The following HEXD variants were observed in gnomAD, a reference collection of about 807,000 sequenced individuals.
HEXD encodes hexosaminidase D, also known as N-acetyl-beta-galactosaminidase.
In HEXD, 47 loss-of-function variants were observed where a neutral mutation model predicts 54.2. The observed-to-expected ratio is 0.87, with a 90% CI of 0.69 to 1.11. HEXD has a LOEUF of 1.11. HEXD is among the 50% of genes least tolerant of loss of function. HEXD has a pLI of 0.00. For missense variants in HEXD, 576 were observed against 649.2 expected, an observed-to-expected ratio of 0.89 and a Z score of 1.23; for synonymous variants, 293 against 287.6, an observed-to-expected ratio of 1.02 and a Z score of -0.19.
intron 2 of HEXD, among the ~76,000 whole-genome samples, chr17:82,422,322 C>A (rs185846340): frequency 6.6e-6 from 1 of 152,002 alleles, no homozygotes; most frequent in Admixed American, 6.6e-5. Flanking sequence ...TGTGAAAGAA[C>A]AGCATAAATC....
chr17:82,433,144 T>TTTA (rs2053659249), intron 4 of HEXD, among the ~76,000 whole-genome samples: 1 of 69,874 alleles, frequency 1.4e-5, no homozygotes, highest in Admixed American at 1.8e-4. Context: ...TTTTTTTTTT[T>TTTA]ATATATATAT....
intron 4 of HEXD, among the ~76,000 whole-genome samples, chr17:82,433,267 C>T (rs1372567241): frequency 2.0e-5 from 3 of 149,730 alleles, no homozygotes; most frequent in Admixed American, 6.7e-5. Context: ...CATAGTGAAA[C>T]GCCATCTCTA....
In HEXD at chr17:82,442,125, A is replaced by T. The variant is rs995912443; in HGVS notation, c.1254-52A>T. 9 of 1,563,166 alleles carry T rather than the reference A, an allele frequency of 5.8e-6. No homozygotes were observed. The highest frequency in any genetic ancestry group is 7.8e-6 in the Non-Finnish European group (9 of 1,155,644). ...CAGGGCAGTACTGACCATGGGGCTG[A>T]GGGCAAGTCCCAAGTGTGCAGACTG... is the stretch of plus-strand genomic sequence containing the variant. On this transcript the variant is annotated intron_variant, in intron 12 of 12. Transcript: ENST00000327949. The surrounding 1 kb of genome is among the most constrained non-coding windows in gnomAD (Gnocchi z 6.8).
Position 82,435,609 on chromosome 17 carries a change from C to T in HEXD, c.448-80C>T. On this transcript the variant is annotated intron_variant, in intron 5 of 12. Transcript: ENST00000327949. ...CCCACAGGCAGCGGCCCCTCTCCGT[C>T]AGGGCACGGCGTGAACCCCGGACCC... 11 of 1,436,988 alleles carry T rather than the reference C, an allele frequency of 7.7e-6. No homozygotes were observed. In the South Asian group the frequency reaches 1.4e-4, roughly 19 times the overall value. The allele number at this position is 1,436,988 out of a possible 1,614,324, so 89.0% of individuals were successfully genotyped here. A position where few individuals can be genotyped will look rare whatever the true frequency, so the allele number is the denominator to read the frequency against.
chr17:82,436,256 G>A (rs548096246), intron 6 of HEXD, among the ~76,000 whole-genome samples: 4 of 152,372 alleles, frequency 2.6e-5, no homozygotes, highest in East Asian at 1.9e-4. Flanking sequence ...GGGCCAAGAG[G>A]TGGTACTCAG....
chr17:82,427,071 G>C (rs2053437286), intron 3 of HEXD: 1 of 151,626 alleles, frequency 6.6e-6, no homozygotes, highest in Non-Finnish European at 1.5e-5. Context: ...AGGAGGCAGA[G>C]CTTGCAGTGA....
At position 82,437,351 on chromosome 17, in the gene HEXD, C is replaced by T; in HGVS notation, c.887C>T (p.Thr296Ile). 6.2e-7 allele frequency: 1 copy of T among 1,600,606 alleles called. No individual in the cohort carries two copies. Among genetic ancestry groups the T allele is most frequent in the Non-Finnish European group, 8.5e-7 (1 of 1,173,386 alleles). Residue 296 changes from threonine (T) to isoleucine (I), a missense_variant, in exon 8 of 13, where the codon ACC (threonine) becomes ATC (isoleucine). Transcript: ENST00000327949. The part of the protein sequence containing the change: ...PTDSLQGIIL[T>I]GWQRYDHYSV... ...GACTCACTGCAGGGCATCATCCTGACCGGCTGGCAGAGGTAAGTCCTGGCC... is the reference window on the plus strand; with the variant it reads ...GACTCACTGCAGGGCATCATCCTGATCGGCTGGCAGAGGTAAGTCCTGGCC...
In HEXD at chr17:82,418,584, A is replaced by G. The variant is rs2143332637; in HGVS notation, c.-208A>G. ...GAGGCAGGCACGGCGCAGGGACGCG[A>G]GTGCGACGCGCTCGGCCATCGGCCC... On this transcript the variant is annotated 5_prime_UTR_variant, in exon 1 of 13. Coordinates refer to ENST00000327949, the MANE Select transcript of HEXD (RefSeq NM_001330542.2). 1.9e-6 allele frequency: 1 copy of G among 540,402 alleles called. No individual in the cohort carries two copies. The allele number at this position is 540,402 out of a possible 1,614,324, so 33.5% of individuals were successfully genotyped here.
In HEXD at chr17:82,418,716, A is replaced by T. The variant is rs1030263229; in HGVS notation, c.-76A>T. 3 of 155,096 alleles carry T rather than the reference A, an allele frequency of 1.9e-5. No homozygotes were observed. The highest frequency in any genetic ancestry group is 7.3e-5 in the African/African-American group (3 of 41,298). 9.6% of individuals were successfully genotyped at this position (155,096 alleles called of 1,614,324 possible). On this transcript the variant is annotated 5_prime_UTR_variant, in exon 1 of 13. Transcript: ENST00000327949. ...CGGCCGGGCCTGGCTGCGCCCCCGGACCTCGCGGGACCGCGGCGGCGCAGG... is the reference window on the plus strand; with the variant it reads ...CGGCCGGGCCTGGCTGCGCCCCCGGTCCTCGCGGGACCGCGGCGGCGCAGG...
rs1487119854 is a variant in HEXD, at chr17:82,437,214, G to A, written c.750G>A (p.Trp250Ter). Reference protein sequence around the residue: ...KYRRCGFPQLWAASAFKGATG... With the variant: ...KYRRCGFPQL Reference sequence around the variant, plus strand: ...GGCGGTGCGGCTTTCCGCAGCTGTGGGCAGCCAGTGCCTTCAAGGGTGCCA... The same window carrying A: ...GGCGGTGCGGCTTTCCGCAGCTGTGAGCAGCCAGTGCCTTCAAGGGTGCCA... Residue 250 changes from tryptophan (W) to a stop codon, truncating the protein, a stop_gained, in exon 8 of 13, where the codon TGG (tryptophan) becomes TGA (stop). Coordinates refer to ENST00000327949, the MANE Select transcript of HEXD (RefSeq NM_001330542.2). LOFTEE classifies it high-confidence loss of function. The A allele has an allele frequency of 1.2e-6, 2 of 1,605,898 alleles. No individual in the cohort carries two copies. The highest frequency in any genetic ancestry group is 2.2e-5 in the East Asian group (1 of 44,622).
intron 4 of HEXD, among the ~76,000 whole-genome samples, chr17:82,432,890 C>T (rs12948551): frequency 0.28 from 41,429 of 147,132 alleles, 6,395 homozygotes; most frequent in East Asian, 0.53. Flanking sequence ...GGTGAAACCC[C>T]GTCTCTACTA....
chr17:82,439,755 C>T lies in HEXD; in HGVS notation c.982+42C>T, dbSNP rs188037176. 4.4e-6 allele frequency: 7 copies of T among 1,598,534 alleles called. No individual in the cohort carries two copies. The African/African-American group carries it at 9.3e-5, about 21-fold the overall frequency. ...CACCCCAAGCCCCACCGGCCCCTCC[C>T]CGAAAGACCCGGAGGGCAGGAGGCC... On this transcript the variant is annotated intron_variant, in intron 9 of 12. Coordinates refer to ENST00000327949, the MANE Select transcript of HEXD (RefSeq NM_001330542.2).
At position 82,428,645 on chromosome 17, in the gene HEXD, G is replaced by A. The variant is rs1295343461; in HGVS notation, c.282G>A (p.Glu94=). The A allele has an allele frequency of 6.2e-7, 1 of 1,612,556 alleles. No homozygotes were observed. The highest frequency in any genetic ancestry group is 1.3e-5 in the African/African-American group (1 of 74,906). The change falls in exon 4 of 13, where the codon GAG becomes GAA. Residue 94 remains glutamate (E), a splice_region_variant and synonymous_variant. Transcript: ENST00000327949. ...IPLVQTFGHM[E]FVLKHTAFAH... ...TGGTGCAGACATTTGGACACATGGA[G>A]GTGAGTGGCAGAAATGGAAGTTACC...
At position 82,441,339 on chromosome 17, in the gene HEXD, T is replaced by C. The variant is rs1349271383; in HGVS notation, c.1163+73T>C. On this transcript the variant is annotated intron_variant, in intron 11 of 12. Transcript: ENST00000327949. ...GGGCGGGTGCAGGTGAGGGGGCAGG[T>C]GTGGGTGGGAGGCAGGTGCGGGTGA... 7 of 994,152 alleles carry C rather than the reference T, an allele frequency of 7.0e-6. No homozygotes were observed. The African/African-American group carries it at 8.1e-5, about 11-fold the overall frequency. 61.6% of individuals were successfully genotyped at this position (994,152 alleles called of 1,614,324 possible).
At chr17:82,424,313 G>A (rs936642106) in intron 2 of HEXD, 81 bp from the exon 3 acceptor site, 5 of 861,574 alleles carry the variant, frequency 5.8e-6, no homozygotes, top group African/African-American at 1.7e-5. Context: ...GGCTGAAAGG[G>A]AAGGCGTCTC....
chr17:82,437,416 C>G, intron 8 of HEXD, 53 bp downstream of exon 8: 1 of 1,450,280 alleles, frequency 6.9e-7, no homozygotes, highest in Non-Finnish European at 9.2e-7. Flanking sequence ...CTGGTGGCCA[C>G]CACGTCGGCC....
chr17:82,439,407 G>A lies in HEXD; in HGVS notation c.900-224G>A, dbSNP rs532537497. ...GAGCATTGCAGCAAGGAATCCCCAC[G>A]CTCTTCACTTGTCCGGTTTCTAGAA... On this transcript the variant is annotated intron_variant, in intron 8 of 12. Coordinates refer to ENST00000327949, the MANE Select transcript of HEXD (RefSeq NM_001330542.2). The A allele has an allele frequency of 3.0e-5, 30 of 984,198 alleles. No homozygotes were observed. The South Asian group carries it at 1.1e-3, about 35-fold the overall frequency. 61.0% of individuals were successfully genotyped at this position (984,198 alleles called of 1,614,324 possible). A position where few individuals can be genotyped will look rare whatever the true frequency, so the allele number is the denominator to read the frequency against.
intron 5 of HEXD, among the ~76,000 whole-genome samples, chr17:82,435,209 A>G (rs115709253): frequency 0.03 from 4,544 of 152,228 alleles, 205 homozygotes; most frequent in African/African-American, 0.099. Flanking sequence ...TGGTGTGGGC[A>G]ATCACCCCAG....
In HEXD at chr17:82,442,129, C is replaced by G. The variant is rs765228809; in HGVS notation, c.1254-48C>G. The G allele has an allele frequency of 1.2e-5, 19 of 1,565,852 alleles. No individual in the cohort carries two copies. Among genetic ancestry groups the G allele is most frequent in the Non-Finnish European group, 1.6e-5 (19 of 1,157,422 alleles). On this transcript the variant is annotated intron_variant, in intron 12 of 12. Coordinates refer to ENST00000327949, the MANE Select transcript of HEXD (RefSeq NM_001330542.2). The surrounding 1 kb of genome is among the most constrained non-coding windows in gnomAD (Gnocchi z 6.8). ...GCAGTACTGACCATGGGGCTGAGGG[C>G]AAGTCCCAAGTGTGCAGACTGTGCG... is the stretch of plus-strand genomic sequence containing the variant.
Sources: gnomAD v4.1 joint callset for allele counts (sites outside exome capture counted in the v4.1 genomes callset) on GRCh38, gnomAD v4.1.1 for gene constraint, Gnocchi (gnomAD v3.1) non-coding constraint, MANE v1.5 for transcripts, NCBI Gene and HGNC (gene_info 2026-07-23, HGNC 2026-07-21) for gene names.